MUC3A: variants seen among roughly 807,000 people sequenced by gnomAD.
The protein encoded by MUC3A is mucin-3A.
Under a neutral mutation model 109.0 loss-of-function variants are expected in MUC3A, and 109 were observed. The ratio of observed to expected loss-of-function variants is 1.00; its 90% CI spans 0.86 to 1.17. The LOEUF (loss-of-function observed/expected upper bound fraction) is 1.17. MUC3A is among the 50% of genes most tolerant of loss of function. The pLI, the probability that MUC3A is intolerant of heterozygous loss-of-function variation, is 0.00. For synonymous variants in MUC3A, 1,398 were observed against 981.4 expected (o/e 1.42, Z -7.93); for missense variants, 3,537 against 2,469.4 (o/e 1.43, Z -9.16).
chr7:100,966,796 G>T (rs1321233884), intron 10 of MUC3A, 53 bp downstream of exon 10: 2 of 1,598,324 alleles, frequency 1.3e-6, no homozygotes, highest in Non-Finnish European at 1.7e-6. Flanking sequence ...GCACCACTGC[G>T]AGGACAGACG....
Position 100,966,644 on chromosome 7 carries a change from C to A in MUC3A, c.9786-8C>A, listed in dbSNP as rs772559039. On this transcript the variant is annotated splice_region_variant and splice_polypyrimidine_tract_variant and intron_variant, in intron 9 of 11. Coordinates refer to ENST00000379458, the MANE Select transcript of MUC3A (RefSeq NM_005960.2). ...GGCTCTGTCTGACCGCGCGGCGGCC[C>A]CACCTAGGTCCTGGGACCAGGACAG... The A allele has an allele frequency of 1.3e-6, 2 of 1,598,502 alleles. No homozygotes were observed. Among genetic ancestry groups the A allele is most frequent in the Admixed American group, 1.7e-5 (1 of 60,020 alleles).
rs1440463451 is a variant in MUC3A, at chr7:100,963,843, G to T, written c.9233+91G>T. On this transcript the variant is annotated intron_variant, in intron 5 of 11. Coordinates refer to ENST00000379458, the MANE Select transcript of MUC3A (RefSeq NM_005960.2). ...CCATTCCTTTCTTTTGTAATCATCA[G>T]ATTTTATAAAGAGGGGTGGAGGGGG... 9.0e-6 allele frequency: 14 copies of T among 1,560,870 alleles called. No homozygotes were observed. The Admixed American group carries it at 2.5e-4, about 28-fold the overall frequency.
At chr7:100,965,571 C>T (rs2116224566) in intron 7 of MUC3A, 133 bp from the exon 8 acceptor site, 4 of 1,474,502 alleles carry the variant, frequency 2.7e-6, no homozygotes, top group Non-Finnish European at 3.6e-6. Flanking sequence ...TCATCGAATC[C>T]CAGGGTCTAC....
At chr7:100,966,831 C>CTCCGTCCCCCTCTCCCT (rs1792589449) in intron 10 of MUC3A, 68 bp from the exon 11 acceptor site, 52 of 1,598,180 alleles carry the variant, frequency 3.3e-5, no homozygotes, top group Non-Finnish European at 4.4e-5. Context: ...CTCGCATTTA[C>CTCCGTCCCCCTCTCCCT]TCCGTCCCCC....
chr7:100,960,134 A>T lies in MUC3A; in HGVS notation c.8355A>T (p.Pro2785=). 1 of 1,551,230 alleles carries T rather than the reference A, an allele frequency of 6.4e-7. No homozygotes were observed. Among genetic ancestry groups the T allele is most frequent in the Non-Finnish European group, 8.7e-7 (1 of 1,154,582 alleles). The change falls in exon 2 of 12, where the codon CCA becomes CCT. Residue 2785 remains proline (P), a synonymous_variant. Transcript: ENST00000379458. ...ITIVPASPTD[P]CVEMDPSTEA... is the part of the protein sequence containing the mutation. ...TAGTCCCTGCCTCCCCCACTGATCC[A>T]TGTGTTGAAATGGATCCCAGCACTG...
In MUC3A at chr7:100,959,158, C is replaced by T. The variant is rs767669832; in HGVS notation, c.7379C>T (p.Thr2460Ile). Residue 2460 changes from threonine (T) to isoleucine (I), a missense_variant, in exon 2 of 12, where the codon ACC (threonine) becomes ATC (isoleucine). Transcript: ENST00000379458. ...GTCAGCACATCCACAACTGCCATCA[C>T]CTCACATTTTACTACCTCAGAGACT... ...STVSTSTTAI[T>I]SHFTTSETAV... 4.5e-6 allele frequency: 7 copies of T among 1,554,056 alleles called. No individual in the cohort carries two copies. The highest frequency in any genetic ancestry group is 6.0e-6 in the Non-Finnish European group (7 of 1,160,524).
In MUC3A at chr7:100,953,856, G is replaced by A. The variant is rs1792034189; in HGVS notation, c.2077G>A (p.Val693Met). The change falls in exon 2 of 12, where the codon GTG becomes ATG. Residue 693 changes from valine to methionine, a missense_variant. Transcript: ENST00000379458. ...TINTIPPSIL[V>M]TTLPTPNASS... ...AAACACAATCCCTCCATCTATCTTGGTGACCACACTCCCCACTCCAAATGC... is the reference window on the plus strand; with the variant it reads ...AAACACAATCCCTCCATCTATCTTGATGACCACACTCCCCACTCCAAATGC... 1 of 435,516 alleles carries A rather than the reference G, an allele frequency of 2.3e-6. No individual in the cohort carries two copies. Among genetic ancestry groups the A allele is most frequent in the Non-Finnish European group, 4.0e-6 (1 of 249,406 alleles). 27.0% of individuals were successfully genotyped at this position (435,516 alleles called of 1,614,324 possible).
intron 8 of MUC3A, 119 bp downstream of exon 8, chr7:100,965,985 A>G: frequency 7.0e-7 from 1 of 1,432,560 alleles, no homozygotes; most frequent in Non-Finnish European, 9.2e-7. Flanking sequence ...CCTCGTCCCC[A>G]GAGTGCCGCT....
rs1295544431 is a variant in MUC3A, at chr7:100,959,407, C to G, written c.7628C>G (p.Thr2543Ser). The part of the protein sequence containing the change: ...QSTETSSLVG[T>S]TSPTMSTVRM... ...ACAGAAACCTCATCCCTTGTGGGCA[C>G]CACCTCTCCCACCATGTCCACTGTG... Residue 2543 changes from threonine (T) to serine (S), a missense_variant, in exon 2 of 12, where the codon ACC (threonine) becomes AGC (serine). Transcript: ENST00000379458. 2.6e-6 allele frequency: 4 copies of G among 1,535,370 alleles called. No individual in the cohort carries two copies. Among genetic ancestry groups the G allele is most frequent in the Admixed American group, 2.0e-5 (1 of 50,156 alleles).
rs1192561010 is a variant in MUC3A at position 100,956,584 on chromosome 7, T to A, written c.4805T>A (p.Val1602Asp). 3 of 441,700 alleles carry A rather than the reference T, an allele frequency of 6.8e-6. No individual in the cohort carries two copies. Among genetic ancestry groups the A allele is most frequent in the Non-Finnish European group, 1.2e-5 (3 of 253,322 alleles). The allele number at this position is 441,700 out of a possible 1,614,324, so 27.4% of individuals were successfully genotyped here. ...ACAGACCTCACCTCAGTGTACACAG[T>A]CTCCAGCATGTCTGCAAGGCCAACA... is the stretch of plus-strand genomic sequence containing the variant. ...MMTDLTSVYT[V>D]SSMSARPTSV... Residue 1602 changes from valine (V) to aspartate (D), a missense_variant, in exon 2 of 12, where the codon GTC becomes GAC. Coordinates refer to ENST00000379458, the MANE Select transcript of MUC3A (RefSeq NM_005960.2).
Position 100,959,523 on chromosome 7 carries a change from C to T in MUC3A, c.7744C>T (p.Pro2582Ser), listed in dbSNP as rs776173116. The T allele has an allele frequency of 9.4e-6, 15 of 1,590,894 alleles. No homozygotes were observed. The South Asian group carries it at 1.7e-4, about 18-fold the overall frequency. ...VIPETPTQTPPVLTSATGTQT... is the reference protein window; with the variant it reads ...VIPETPTQTPSVLTSATGTQT... ...ACCTGAAACCCCAACACAGACCCCT[C>T]CTGTACTGACGTCAGCCACTGGGAC... The change falls in exon 2 of 12, where the codon CCT becomes TCT. Residue 2582 changes from proline to serine, a missense_variant. Physicochemically the swap from Pro to Ser is moderately conservative, Grantham distance 74 (BLOSUM62 -1). Coordinates refer to ENST00000379458, the MANE Select transcript of MUC3A (RefSeq NM_005960.2).
At chr7:100,961,484 T>G (rs572428825) in intron 3 of MUC3A, among the ~76,000 whole-genome samples, 35 of 152,426 alleles carry the variant, frequency 2.3e-4, no homozygotes, top group African/African-American at 8.4e-4. Flanking sequence ...TTAAGGACCC[T>G]TGTGATAACT....
At position 100,967,442 on chromosome 7, in the gene MUC3A, G is replaced by T; in HGVS notation, c.*280G>T. Reference sequence around the variant, plus strand: ...CCTGCAAAACGGGTACAGCATTCCTGTATGATAGCTCACGCCGTTGTTGTG... The same window carrying T: ...CCTGCAAAACGGGTACAGCATTCCTTTATGATAGCTCACGCCGTTGTTGTG... On this transcript the variant is annotated 3_prime_UTR_variant, in exon 12 of 12. Transcript: ENST00000379458. 1 of 593,618 alleles carries T rather than the reference G, an allele frequency of 1.7e-6. No individual in the cohort carries two copies. The highest frequency in any genetic ancestry group is 3.0e-6 in the Non-Finnish European group (1 of 334,720). 36.8% of individuals were successfully genotyped at this position (593,618 alleles called of 1,614,324 possible). A position where few individuals can be genotyped will look rare whatever the true frequency, so the allele number is the denominator to read the frequency against.
Position 100,959,521 on chromosome 7 carries a change from C to T in MUC3A, c.7742C>T (p.Pro2581Leu). The stretch of plus-strand genomic sequence containing the variant: ...ATACCTGAAACCCCAACACAGACCC[C>T]TCCTGTACTGACGTCAGCCACTGGG... ...VVIPETPTQTPPVLTSATGTQ... is the reference protein window; with the variant it reads ...VVIPETPTQTLPVLTSATGTQ... The change falls in exon 2 of 12, where the codon CCT becomes CTT. Residue 2581 changes from proline (P) to leucine (L), a missense_variant. By Grantham distance (98) the Pro-to-Leu change is moderately conservative. Transcript: ENST00000379458. The T allele has an allele frequency of 1.3e-6, 2 of 1,591,034 alleles. No individual in the cohort carries two copies. Among genetic ancestry groups the T allele is most frequent in the South Asian group, 1.1e-5 (1 of 89,208 alleles).
chr7:100,964,079 A>G (rs923836378), intron 5 of MUC3A: 227 of 458,388 alleles, frequency 5.0e-4, no homozygotes, highest in South Asian at 8.2e-4. Flanking sequence ...GAGAGAGAGA[A>G]AGAGAGAGAG....
chr7:100,952,348 C>T lies in MUC3A; in HGVS notation c.569C>T (p.Pro190Leu), dbSNP rs984426867. 20 of 1,598,390 alleles carry T rather than the reference C, an allele frequency of 1.3e-5. No homozygotes were observed. The highest frequency in any genetic ancestry group is 1.7e-5 in the Admixed American group (1 of 60,004). Residue 190 changes from proline (P) to leucine (L), a missense_variant, in exon 2 of 12, where the codon CCC (proline) becomes CTC (leucine). Pro to Leu is a moderately conservative substitution (Grantham distance 98). Coordinates refer to ENST00000379458, the MANE Select transcript of MUC3A (RefSeq NM_005960.2). The stretch of plus-strand genomic sequence containing the variant: ...GGAACGTCAGCCATGACATCTTCTC[C>T]CTCTACCACCACTGCAAGGGAAACT... ...EKGTSAMTSS[P>L]STTTARETPI...
chr7:100,965,696 A>G lies in MUC3A; in HGVS notation c.9449-8A>G, dbSNP rs1584812685. The G allele has an allele frequency of 1.9e-6, 3 of 1,595,230 alleles. No individual in the cohort carries two copies. Among genetic ancestry groups the G allele is most frequent in the African/African-American group, 1.3e-5 (1 of 74,930 alleles). On this transcript the variant is annotated splice_region_variant and splice_polypyrimidine_tract_variant and intron_variant, in intron 7 of 11. Coordinates refer to ENST00000379458, the MANE Select transcript of MUC3A (RefSeq NM_005960.2). ...TTGTCTCTGTGCATCCCCCTCCCCA[A>G]CCCCCAGCCATCTGCCGCCGCGCCG...
At position 100,967,164 on chromosome 7, in the gene MUC3A, C is replaced by A; in HGVS notation, c.*2C>A. On this transcript the variant is annotated 3_prime_UTR_variant, in exon 12 of 12. Transcript: ENST00000379458. ...GAGATGACCTCGTCCTCAGTGTGAG[C>A]CCTGCGGGGCCCCTTCACCACCCCC... 1 of 1,598,542 alleles carries A rather than the reference C, an allele frequency of 6.3e-7. No individual in the cohort carries two copies. Among genetic ancestry groups the A allele is most frequent in the African/African-American group, 1.3e-5 (1 of 75,086 alleles).
Position 100,957,056 on chromosome 7 carries a change from T to A in MUC3A, c.5277T>A (p.Ser1759=). 2.2e-6 allele frequency: 1 copy of A among 463,920 alleles called. No homozygotes were observed. The highest frequency in any genetic ancestry group is 3.3e-5 in the East Asian group (1 of 30,660). The allele number at this position is 463,920 out of a possible 1,614,324, so 28.7% of individuals were successfully genotyped here. A position where few individuals can be genotyped will look rare whatever the true frequency, so the allele number is the denominator to read the frequency against. ...GATCTTTCAAAACAGCCGTGAGTTCTACTCCCCCCATCACTTCTTCAATCA... is the reference window on the plus strand; with the variant it reads ...GATCTTTCAAAACAGCCGTGAGTTCAACTCCCCCCATCACTTCTTCAATCA... ...STGSFKTAVS[S]TPPITSSITS... Residue 1759 remains serine, a synonymous_variant, in exon 2 of 12, where the codon TCT becomes TCA. Transcript: ENST00000379458.
Sources: gnomAD v4.1 joint callset for allele counts (sites outside exome capture counted in the v4.1 genomes callset) on GRCh38, gnomAD v4.1.1 for gene constraint, MANE v1.5 for transcripts, NCBI Gene and HGNC (gene_info 2026-07-23, HGNC 2026-07-21) for gene names.